ZC3H7A: variants seen among roughly 807,000 people sequenced by gnomAD.
ZC3H7A encodes the protein zinc finger CCCH domain-containing protein 7A.
ZC3H7A carries 44 observed loss-of-function variants against 125.5 expected under a neutral mutation model. That is an observed-to-expected ratio of 0.35 (90% CI 0.28 to 0.45). The LOEUF is 0.45. ZC3H7A is among the 20% of genes least tolerant of loss of function. The probability of loss-of-function intolerance (pLI) is 1.00; values close to 1 mark genes in which losing one functional copy is unlikely to be tolerated. For missense variants in ZC3H7A, 977 were observed against 1,170.7 expected (o/e 0.83, Z 2.41); for synonymous variants, 399 against 391.2 (o/e 1.02, Z -0.23).
At chr16:11,790,472 T>G (rs1169043005) in intron 1 of ZC3H7A, among the ~76,000 whole-genome samples, 2 of 152,180 alleles carry the variant, frequency 1.3e-5, no homozygotes, top group African/African-American at 4.8e-5. Flanking sequence ...TTATTGGTAT[T>G]TTTTCCAATT....
chr16:11,796,582 TCCTCCCGGGCGGCG>T (rs1294296476), intron 1 of ZC3H7A: 1 of 153,412 alleles, frequency 6.5e-6, no homozygotes, highest in African/African-American at 2.4e-5. Context: ...CCGGTCCCGG[TCCTCCCGGGCGGCG>T]CCCCCGCCTC....
At chr16:11,758,810 AC>A in intron 19 of ZC3H7A, 1 of 367,162 alleles carries the variant, frequency 2.7e-6, no homozygotes, top group Non-Finnish European at 5.0e-6. Flanking sequence ...CTACAAACTC[AC>A]TTACTCAGAA....
chr16:11,780,317 C>T (rs924531689), intron 3 of ZC3H7A, among the ~76,000 whole-genome samples: 28 of 151,888 alleles, frequency 1.8e-4, no homozygotes, highest in African/African-American at 6.5e-4. Context: ...GACAGGGTTT[C>T]GCCATGTTGC....
intron 21 of ZC3H7A, 59 bp downstream of exon 21, chr16:11,756,178 A>G: frequency 1.3e-6 from 2 of 1,562,598 alleles, no homozygotes; most frequent in Non-Finnish European, 1.7e-6. Flanking sequence ...AAGAAAAGGG[A>G]AAAGAAAGGC....
rs138223563 is a variant in ZC3H7A, at chr16:11,788,814, A to T, written c.-34-6426T>A. Among the ~76,000 whole-genome samples, 936 of 152,014 alleles carry T rather than the reference A, an allele frequency of 6.2e-3. 9 individuals carry two copies. Among genetic ancestry groups the T allele is most frequent in the African/African-American group, 0.021 (883 of 41,456 alleles). ...TTTTTAGTAGAGATGGGGTTTCACC[A>T]TGTTGGTCAGGCTGGTCTCGAACTC... On this transcript the variant is annotated intron_variant, in intron 1 of 22. Transcript: ENST00000355758.
chr16:11,794,905 T>G (rs2053410974), intron 1 of ZC3H7A, among the ~76,000 whole-genome samples: 1 of 152,188 alleles, frequency 6.6e-6, no homozygotes, highest in Non-Finnish European at 1.5e-5. Flanking sequence ...AAAGAGGGTG[T>G]AGGTCTGTGT....
chr16:11,783,957 T>C, intron 1 of ZC3H7A, among the ~76,000 whole-genome samples: 1 of 147,420 alleles, frequency 6.8e-6, no homozygotes, highest in Admixed American at 6.9e-5. Flanking sequence ...GGACTTGCTT[T>C]AAAATACTCC....
Position 11,751,403 on chromosome 16 carries a change from G to A in ZC3H7A, c.2830C>T (p.Leu944Phe), listed in dbSNP as rs745566872. 2.5e-6 allele frequency: 4 copies of A among 1,614,134 alleles called. No individual in the cohort carries two copies. The highest frequency in any genetic ancestry group is 2.5e-6 in the Non-Finnish European group (3 of 1,180,012). ...AAGTGATCTTTTCGTGCTTTGTTGA[G>A]CTTCATCTTTAGGGCATCTCTTCTT... The part of the protein sequence containing the change: ...EERRDALKMK[L>F]NKARKDHLIG... Residue 944 changes from leucine to phenylalanine, a missense_variant, in exon 23 of 23, where the codon CTC becomes TTC. Leu to Phe is a conservative substitution (Grantham distance 22). Coordinates refer to ENST00000355758, the MANE Select transcript of ZC3H7A (RefSeq NM_014153.4).
At chr16:11,772,430 T>C (rs180805926) in intron 9 of ZC3H7A, among the ~76,000 whole-genome samples, 2 of 151,886 alleles carry the variant, frequency 1.3e-5, no homozygotes, top group East Asian at 3.9e-4. Context: ...TATCATATGC[T>C]ATCTATTTGG....
chr16:11,759,958 A>G (rs955734111), intron 19 of ZC3H7A: 3 of 151,940 alleles, frequency 2.0e-5, no homozygotes, highest in Non-Finnish European at 4.4e-5. Flanking sequence ...ACTAAAAAAA[A>G]AATTACAAAA....
intron 9 of ZC3H7A, among the ~76,000 whole-genome samples, chr16:11,771,360 C>T (rs1276868143): frequency 6.6e-6 from 1 of 151,676 alleles, no homozygotes; most frequent in East Asian, 1.9e-4. Flanking sequence ...TGCACTACAG[C>T]CTGGGCGACA....
Position 11,776,529 on chromosome 16 carries a change from C to T in ZC3H7A, c.469G>A (p.Glu157Lys), listed in dbSNP as rs555420035. ...TCTTGAGTTAGTTTTATTACATGCT[C>T]ATCCTGAAAAAAATAAGTATGTATA... The part of the protein sequence containing the change: ...AKCSLAVPQD[E>K]HVIKLTQELA... Residue 157 changes from glutamate to lysine, a missense_variant, in exon 6 of 23, where the codon GAG becomes AAG. Coordinates refer to ENST00000355758, the MANE Select transcript of ZC3H7A (RefSeq NM_014153.4). 6.6e-5 allele frequency: 106 copies of T among 1,602,204 alleles called. No individual in the cohort carries two copies. The South Asian group carries it at 1.1e-3, about 17-fold the overall frequency.
At chr16:11,757,475 C>G (rs927897413) in intron 20 of ZC3H7A, among the ~76,000 whole-genome samples, 1 of 112,572 alleles carries the variant, frequency 8.9e-6, no homozygotes, top group Non-Finnish European at 1.7e-5. Flanking sequence ...CAAAGCGAGA[C>G]TCTGTCTCAA....
chr16:11,792,535 A>T (rs1164266841), intron 1 of ZC3H7A, among the ~76,000 whole-genome samples: 1 of 152,228 alleles, frequency 6.6e-6, no homozygotes, highest in East Asian at 1.9e-4. Flanking sequence ...GAAGACATCA[A>T]GGTAAGGGAA....
chr16:11,754,893 C>CAAAAAAAAAAAAAAAAA (rs35345665), intron 21 of ZC3H7A, among the ~76,000 whole-genome samples: 1 of 68,870 alleles, frequency 1.5e-5, no homozygotes, highest in Non-Finnish European at 2.6e-5. Context: ...CTCCGTCTCA[C>CAAAAAAAAAAAAAAAAA]AAAAAAAAAA....
chr16:11,771,319 C>T (rs1025509516), intron 9 of ZC3H7A, among the ~76,000 whole-genome samples: 10 of 151,380 alleles, frequency 6.6e-5, no homozygotes, highest in Non-Finnish European at 1.2e-4. Flanking sequence ...ACCCAGGAGG[C>T]GGAGCTTGCA....
At chr16:11,769,559 A>C (rs1395007549) in intron 10 of ZC3H7A, among the ~76,000 whole-genome samples, 1 of 150,986 alleles carries the variant, frequency 6.6e-6, no homozygotes, top group African/African-American at 2.4e-5. Flanking sequence ...AATACAAAAA[A>C]AATTTGCCAG....
intron 9 of ZC3H7A, among the ~76,000 whole-genome samples, chr16:11,772,700 CTTTT>C (rs397856219): frequency 2.8e-5 from 4 of 141,562 alleles, no homozygotes; most frequent in African/African-American, 1.0e-4. Context: ...TCAGAGAAGT[CTTTT>C]TTTTTTTTTT....
At chr16:11,757,168 G>A (rs578031934) in intron 20 of ZC3H7A, among the ~76,000 whole-genome samples, 1 of 152,170 alleles carries the variant, frequency 6.6e-6, no homozygotes, top group South Asian at 2.1e-4. Flanking sequence ...ATTGCCAAAT[G>A]TCCACAGGGA....
Sources: allele counts gnomAD v4.1 joint callset (sites outside exome capture counted in the v4.1 genomes callset), GRCh38; gene constraint gnomAD v4.1.1; transcripts MANE v1.5; gene names NCBI Gene and HGNC (gene_info 2026-07-23, HGNC 2026-07-21).